Variants in ACBD6 observed in about 807,000 individuals in gnomAD.
The protein encoded by ACBD6 is acyl-CoA binding domain containing 6, also known as acyl-CoA-binding domain-containing protein 6.
ACBD6 carries 28 observed loss-of-function variants against 37.2 expected under a neutral mutation model. The ratio of observed to expected loss-of-function variants is 0.75; its 90% confidence interval spans 0.56 to 1.03. The LOEUF is 1.03. Ranked by LOEUF, ACBD6 falls within the 50% of genes least tolerant of loss-of-function variation. The pLI is 0.00. For synonymous variants in ACBD6, 113 were observed against 126.8 expected (o/e 0.89, Z 0.73); for missense variants, 340 against 337.4 (o/e 1.01, Z -0.06).
At chr1:180,405,334 G>C (rs1647569178) in intron 5 of ACBD6, among the ~76,000 whole-genome samples, 1 of 152,158 alleles carries the variant, frequency 6.6e-6, no homozygotes, top group Admixed American at 6.5e-5. Context: ...TGGTAGTCAA[G>C]AGAAAGGTGA....
chr1:180,498,327 G>T (rs114971042), intron 1 of ACBD6, among the ~76,000 whole-genome samples: 65 of 152,116 alleles, frequency 4.3e-4, no homozygotes, highest in Non-Finnish European at 7.4e-4. Context: ...GGCTTATTTC[G>T]TTCATTTTTA....
chr1:180,485,166 G>GAC (rs1170963538), intron 3 of ACBD6, among the ~76,000 whole-genome samples: 2 of 151,924 alleles, frequency 1.3e-5, no homozygotes, highest in African/African-American at 2.4e-5. Context: ...TAGAAGCAAT[G>GAC]ACACTCCAGT....
rs537747059 is a variant in ACBD6 at position 180,415,712 on chromosome 1, A to C, written c.468-2241T>G. Among the ~76,000 whole-genome samples, 23 of 152,320 alleles carry C rather than the reference A, an allele frequency of 1.5e-4. 1 individual carries two copies. In the South Asian group the frequency reaches 4.8e-3, roughly 32 times the overall value. On this transcript the variant is annotated intron_variant, in intron 4 of 7. Transcript: ENST00000367595. ...TACCCAGTATATGTAAGCGTTATTC[A>C]CAGATGAGAGGACCTTTGGAGTGGC... is the stretch of plus-strand genomic sequence containing the variant.
At chr1:180,377,949 A>AAT (rs370416100) in intron 6 of ACBD6, among the ~76,000 whole-genome samples, 1 of 143,390 alleles carries the variant, frequency 7.0e-6, no homozygotes, top group Non-Finnish European at 1.5e-5. Context: ...CTCTGTCTCA[A>AAT]AATAATAATA....
At chr1:180,444,286 CAAA>C (rs71719682) in intron 3 of ACBD6, among the ~76,000 whole-genome samples, 9 of 114,796 alleles carry the variant, frequency 7.8e-5, no homozygotes, top group African/African-American at 1.2e-4. Flanking sequence ...TCCGTCTCTC[CAAA>C]AAAAAAAAAA....
intron 4 of ACBD6, 33 bp from the exon 5 acceptor site, chr1:180,413,504 T>A (rs548051127): frequency 7.0e-7 from 1 of 1,432,382 alleles, no homozygotes; most frequent in East Asian, 2.3e-5. Flanking sequence ...CTTTTTTTAC[T>A]GGGTAATACA....
intron 4 of ACBD6, among the ~76,000 whole-genome samples, chr1:180,415,584 T>C (rs1648056673): frequency 6.6e-6 from 1 of 152,178 alleles, no homozygotes; most frequent in Non-Finnish European, 1.5e-5. Flanking sequence ...ATAGCAATAC[T>C]ACAGTGCTAC....
At chr1:180,425,541 G>A (rs1418513620) in intron 4 of ACBD6, among the ~76,000 whole-genome samples, 5 of 152,140 alleles carry the variant, frequency 3.3e-5, no homozygotes, top group Non-Finnish European at 7.3e-5. Context: ...GGATAGTGGT[G>A]TTCCAGAATG....
At chr1:180,346,600 ACT>A (rs1408012181) in intron 6 of ACBD6, among the ~76,000 whole-genome samples, 1 of 152,172 alleles carries the variant, frequency 6.6e-6, no homozygotes, top group Non-Finnish European at 1.5e-5. Flanking sequence ...AGGACTGCAA[ACT>A]CTAGATGAGA....
At chr1:180,474,701 C>T (rs928622448) in intron 3 of ACBD6, among the ~76,000 whole-genome samples, 6 of 152,106 alleles carry the variant, frequency 3.9e-5, no homozygotes, top group South Asian at 2.1e-4. Context: ...TTTTAGCTAT[C>T]GAATATATTA....
chr1:180,405,086 A>G (rs1647556382), intron 5 of ACBD6, among the ~76,000 whole-genome samples: 1 of 152,176 alleles, frequency 6.6e-6, no homozygotes, highest in South Asian at 2.1e-4. Flanking sequence ...AATAATATAT[A>G]CCCTGATATA....
chr1:180,422,490 G>A (rs1648409377), intron 4 of ACBD6, among the ~76,000 whole-genome samples: 1 of 152,142 alleles, frequency 6.6e-6, no homozygotes, highest in South Asian at 2.1e-4. Context: ...GCCACCCTGT[G>A]AGCCACCACA....
At chr1:180,422,135 T>A (rs757630254) in intron 4 of ACBD6, among the ~76,000 whole-genome samples, 1 of 152,232 alleles carries the variant, frequency 6.6e-6, no homozygotes, top group Non-Finnish European at 1.5e-5. Flanking sequence ...TTAAAAGATA[T>A]TGCACAAAAT....
At chr1:180,415,084 T>TA (rs60094772) in intron 4 of ACBD6, among the ~76,000 whole-genome samples, 5,656 of 133,474 alleles carry the variant, frequency 0.042, 301 homozygotes, top group African/African-American at 0.12. Flanking sequence ...CTCAAAAAAA[T>TA]AAAAAAAACA....
At chr1:180,474,744 TA>T (rs1384188779) in intron 3 of ACBD6, among the ~76,000 whole-genome samples, 2 of 152,260 alleles carry the variant, frequency 1.3e-5, no homozygotes, top group African/African-American at 4.8e-5. Flanking sequence ...AAGTCTGTGT[TA>T]TATAATTTCA....
At chr1:180,475,824 AT>A (rs1650755925) in intron 3 of ACBD6, among the ~76,000 whole-genome samples, 1 of 152,234 alleles carries the variant, frequency 6.6e-6, no homozygotes, top group Non-Finnish European at 1.5e-5. Flanking sequence ...ATGTAAAAAA[AT>A]AAAGTAAAAT....
At chr1:180,277,452 C>T (rs545006399) in intron 9 of ACBD6, 9 of 152,198 alleles carry the variant, frequency 5.9e-5, no homozygotes, top group African/African-American at 2.2e-4. Flanking sequence ...CCTGGCTGGT[C>T]GACTTTAGAG....
intron 3 of ACBD6, 61 bp from the exon 4 acceptor site, chr1:180,430,323 A>G: frequency 1.5e-6 from 2 of 1,324,418 alleles, no homozygotes; most frequent in Non-Finnish European, 2.2e-6. Context: ...TAGGTATTTA[A>G]ATCAGTTACA....
At chr1:180,417,376 A>C (rs1648143647) in intron 4 of ACBD6, among the ~76,000 whole-genome samples, 1 of 152,192 alleles carries the variant, frequency 6.6e-6, no homozygotes, top group South Asian at 2.1e-4. Flanking sequence ...CAGGAAGTAT[A>C]ACCAAAAGAC....
Sources: gnomAD v4.1 joint callset for allele counts (sites outside exome capture counted in the v4.1 genomes callset) on GRCh38, gnomAD v4.1.1 for gene constraint, MANE v1.5 for transcripts, NCBI Gene and HGNC (gene_info 2026-07-23, HGNC 2026-07-21) for gene names.